TSNARE1: variants seen among roughly 807,000 people sequenced by gnomAD.
TSNARE1 encodes t-SNARE domain-containing protein 1.
TSNARE1 carries 49 observed loss-of-function variants against 62.0 expected under a neutral mutation model. The ratio of observed to expected loss-of-function variants is 0.79; its 90% CI spans 0.63 to 1.00. TSNARE1 has a LOEUF of 1.00. Ranked by LOEUF, TSNARE1 falls within the 50% of genes least tolerant of loss-of-function variation. The pLI is 0.00. For synonymous variants in TSNARE1, 328 were observed against 294.4 expected, an observed-to-expected ratio of 1.11 and a Z score of -1.17; for missense variants, 755 against 700.1, an observed-to-expected ratio of 1.08 and a Z score of -0.88.
At chr8:142,259,015 G>C (rs1818730822) in intron 12 of TSNARE1, among the ~76,000 whole-genome samples, 1 of 152,194 alleles carries the variant, frequency 6.6e-6, no homozygotes, top group Non-Finnish European at 1.5e-5. Context: ...GCACGGTCCG[G>C]CAAGCTCAGG....
chr8:142,225,397 C>A (rs992994585), intron 13 of TSNARE1, among the ~76,000 whole-genome samples: 3 of 152,086 alleles, frequency 2.0e-5, no homozygotes, highest in African/African-American at 7.2e-5. Context: ...CTGGCTCAGC[C>A]ACCTCCCCTG....
At chr8:142,307,470 T>C (rs1413204364) in intron 9 of TSNARE1, among the ~76,000 whole-genome samples, 1 of 152,240 alleles carries the variant, frequency 6.6e-6, no homozygotes, top group Non-Finnish European at 1.5e-5. Flanking sequence ...GTCCCTGATA[T>C]AAAATGACTT....
At chr8:142,289,399 C>A (rs1823369311) in intron 10 of TSNARE1, among the ~76,000 whole-genome samples, 1 of 152,176 alleles carries the variant, frequency 6.6e-6, no homozygotes, top group Admixed American at 6.5e-5. Flanking sequence ...AAGCCTGGGG[C>A]CCCTCCCTGC....
Position 142,331,931 on chromosome 8 carries a change from C to T in TSNARE1, c.746-100G>A, listed in dbSNP as rs556917609. 642 of 1,196,094 alleles carry T rather than the reference C, an allele frequency of 5.4e-4. 2 individuals carry two copies. The highest frequency in any genetic ancestry group is 1.6e-3 in the South Asian group (122 of 76,516). 74.1% of individuals were successfully genotyped at this position (1,196,094 alleles called of 1,614,324 possible). A position where few individuals can be genotyped will look rare whatever the true frequency, so the allele number is the denominator to read the frequency against. On this transcript the variant is annotated intron_variant, in intron 4 of 13. Coordinates refer to ENST00000524325, the MANE Select transcript of TSNARE1 (RefSeq NM_145003.5). ...TGGGCAGCCCCCAGGGGCAGGGACCCGACAGGCAGCAGAGTGGCCCTGAAC... is the reference window on the plus strand; with the variant it reads ...TGGGCAGCCCCCAGGGGCAGGGACCTGACAGGCAGCAGAGTGGCCCTGAAC...
At chr8:142,330,106 C>A (rs1417759559) in intron 6 of TSNARE1, among the ~76,000 whole-genome samples, 4 of 152,360 alleles carry the variant, frequency 2.6e-5, no homozygotes, top group Admixed American at 6.5e-5. Flanking sequence ...TGGCCTGGGG[C>A]TGGCTGGGGT....
At chr8:142,402,031 GACAA>G (rs1353110795) in intron 1 of TSNARE1, among the ~76,000 whole-genome samples, 1 of 152,132 alleles carries the variant, frequency 6.6e-6, no homozygotes, top group African/African-American at 2.4e-5. Flanking sequence ...GAGTGACAAT[GACAA>G]ACAAGAAATA....
chr8:142,384,501 T>G (rs866148108), intron 1 of TSNARE1, among the ~76,000 whole-genome samples: 50 of 152,208 alleles, frequency 3.3e-4, no homozygotes, highest in Middle Eastern at 6.8e-3. Context: ...AAGAATAGAA[T>G]AAAGAGCCCA....
intron 9 of TSNARE1, among the ~76,000 whole-genome samples, chr8:142,313,097 T>C (rs757351158): frequency 1.3e-5 from 2 of 152,182 alleles, no homozygotes; most frequent in Non-Finnish European, 2.9e-5. Context: ...CATCTCTTCA[T>C]GTCTGCGTGA....
chr8:142,254,299 G>A (rs1174348487), intron 12 of TSNARE1, among the ~76,000 whole-genome samples: 1 of 152,184 alleles, frequency 6.6e-6, no homozygotes, highest in Non-Finnish European at 1.5e-5. Flanking sequence ...ATGCTTCCTG[G>A]CACGGAGGCC....
At chr8:142,399,396 G>A (rs977047480) in intron 1 of TSNARE1, among the ~76,000 whole-genome samples, 3 of 152,304 alleles carry the variant, frequency 2.0e-5, no homozygotes, top group South Asian at 2.1e-4. Context: ...AGCTCCCCGC[G>A]GGTGGGGTGG....
intron 12 of TSNARE1, among the ~76,000 whole-genome samples, chr8:142,263,619 T>C (rs918029746): frequency 1.3e-5 from 2 of 152,250 alleles, no homozygotes; most frequent in African/African-American, 4.8e-5. Context: ...TTAAAAATCA[T>C]CTGGGTTTAG....
intron 6 of TSNARE1, 61 bp downstream of exon 6, chr8:142,330,840 G>T: frequency 1.3e-6 from 2 of 1,562,574 alleles, no homozygotes; most frequent in Non-Finnish European, 8.8e-7. Flanking sequence ...CCACACTCCC[G>T]CCCCTGCCCC....
At chr8:142,257,118 C>G (rs928193339) in intron 12 of TSNARE1, among the ~76,000 whole-genome samples, 2 of 152,218 alleles carry the variant, frequency 1.3e-5, no homozygotes, top group African/African-American at 4.8e-5. Flanking sequence ...TGACGTGGGG[C>G]GGTGTCCCTC....
At chr8:142,359,605 G>A (rs904317669) in intron 1 of TSNARE1, among the ~76,000 whole-genome samples, 3 of 152,138 alleles carry the variant, frequency 2.0e-5, no homozygotes, top group African/African-American at 7.2e-5. Flanking sequence ...ATTCACGGGG[G>A]AGCCAGGGAA....
intron 12 of TSNARE1, among the ~76,000 whole-genome samples, chr8:142,245,518 G>C (rs978412593): frequency 9.9e-5 from 15 of 152,186 alleles, no homozygotes; most frequent in African/African-American, 3.6e-4. Flanking sequence ...TAAGCACATG[G>C]ATGAGTCTTC....
chr8:142,345,477 C>T (rs963792517), intron 3 of TSNARE1, among the ~76,000 whole-genome samples: 2 of 152,202 alleles, frequency 1.3e-5, no homozygotes, highest in African/African-American at 2.4e-5. Flanking sequence ...GAGCCCCCAG[C>T]GGGAGCACCC....
At chr8:142,272,976 TG>T (rs1230058138) in intron 12 of TSNARE1, 1 of 985,336 alleles carries the variant, frequency 1.0e-6, no homozygotes, top group Non-Finnish European at 1.2e-6. Context: ...TACTCCCTGG[TG>T]GACCCCCTCG....
chr8:142,322,351 G>A (rs770669942), intron 6 of TSNARE1, among the ~76,000 whole-genome samples: 6 of 152,160 alleles, frequency 3.9e-5, no homozygotes, highest in Admixed American at 2.0e-4. Context: ...ATGCTTCCCC[G>A]TAAGATGGGG....
chr8:142,303,549 G>A (rs943151181), intron 9 of TSNARE1, among the ~76,000 whole-genome samples: 2 of 152,220 alleles, frequency 1.3e-5, no homozygotes, highest in African/African-American at 2.4e-5. Context: ...GAACACCCAT[G>A]GGGGGCCCAT....
Sources: gnomAD v4.1 joint callset for allele counts (sites outside exome capture counted in the v4.1 genomes callset) on GRCh38, gnomAD v4.1.1 for gene constraint, MANE v1.5 for transcripts, NCBI Gene and HGNC (gene_info 2026-07-23, HGNC 2026-07-21) for gene names.